MIP: variants seen among roughly 807,000 people sequenced by gnomAD.
MIP encodes major intrinsic protein of lens fiber.
In MIP, 14 loss-of-function variants were observed where a neutral mutation model predicts 21.8. The observed-to-expected ratio is 0.64, with a 90% CI of 0.42 to 1.00. The LOEUF (loss-of-function observed/expected upper bound fraction) is 1.00, where lower values mean the gene tolerates loss of function less well. MIP is among the 50% of genes least tolerant of loss of function. The probability of loss-of-function intolerance (pLI) is 0.00; values close to 1 mark genes in which losing one functional copy is unlikely to be tolerated. For missense variants in MIP, 260 were observed against 333.5 expected, an observed-to-expected ratio of 0.78 and a Z score of 1.72; for synonymous variants, 133 against 141.4, an observed-to-expected ratio of 0.94 and a Z score of 0.42.
At chr12:56,456,537 T>C (rs1220225423), upstream of MIP, among the ~76,000 whole-genome samples, 1 of 150,648 alleles carries the variant, frequency 6.6e-6, no homozygotes, top group Admixed American at 6.6e-5. Flanking sequence ...ACTCGGGAGG[T>C]TGAGGCAGGA....
chr12:56,454,120 C>A, intron 1 of MIP, 134 bp downstream of exon 1: 1 of 1,291,610 alleles, frequency 7.7e-7, no homozygotes, highest in Non-Finnish European at 1.1e-6. Context: ...CTCACCACTT[C>A]AACACACACA....
In MIP at chr12:56,451,453, C is replaced by T. The variant is rs1868616391; in HGVS notation, c.619G>A (p.Gly207Ser). 1 of 1,614,068 alleles carries T rather than the reference C, an allele frequency of 6.2e-7. No individual in the cohort carries two copies. ...NFTNHWVYWV[G>S]PIIGGGLGSL... ...CCCAGACCCCCTCCAATGATTGGGC[C>T]TACCCAGTACACCTGTAGAAAGAGA... The change falls in exon 4 of 4, where the codon GGC (glycine) becomes AGC (serine). Residue 207 changes from glycine to serine, a missense_variant. By Grantham distance (56) the Gly-to-Ser change is moderately conservative. Coordinates refer to ENST00000652304, the MANE Select transcript of MIP (RefSeq NM_012064.4).
At chr12:56,453,348 G>A (rs1868680740) in intron 2 of MIP, among the ~76,000 whole-genome samples, 196 bp from the exon 3 acceptor site, 1 of 152,124 alleles carries the variant, frequency 6.6e-6, no homozygotes, top group Admixed American at 6.5e-5. Flanking sequence ...ACAGACTATG[G>A]ATCCATAGGC....
chr12:56,455,556 C>G (rs76905360), upstream of MIP, among the ~76,000 whole-genome samples: 7,289 of 152,258 alleles, frequency 0.048, 249 homozygotes, highest in Middle Eastern at 0.12. Context: ...TCAGCACACC[C>G]TAAGCCTTGA....
chr12:56,451,157 A>T lies in MIP; in HGVS notation c.*123T>A. On this transcript the variant is annotated 3_prime_UTR_variant, in exon 4 of 4. Coordinates refer to ENST00000652304, the MANE Select transcript of MIP (RefSeq NM_012064.4). Reference sequence around the variant, plus strand: ...AAAAAAAAAAAAAAAACAACCACATACATAAGTTAAAAAATAAAGAAGTAC... The same window carrying T: ...AAAAAAAAAAAAAAAACAACCACATTCATAAGTTAAAAAATAAAGAAGTAC... 2 of 775,188 alleles carry T rather than the reference A, an allele frequency of 2.6e-6. No homozygotes were observed. Among genetic ancestry groups the T allele is most frequent in the Non-Finnish European group, 4.2e-6 (2 of 474,264 alleles). The allele number at this position is 775,188 out of a possible 1,614,324, so 48.0% of individuals were successfully genotyped here.
rs1205062502 is a variant in MIP, at chr12:56,454,432, T to C, written c.182A>G (p.His61Arg). 1.2e-5 allele frequency: 19 copies of C among 1,613,992 alleles called. No homozygotes were observed. The highest frequency in any genetic ancestry group is 1.6e-5 in the Non-Finnish European group (19 of 1,179,986). Residue 61 changes from histidine (H) to arginine (R), a missense_variant, in exon 1 of 4, where the codon CAC becomes CGC. Transcript: ENST00000652304. ...AGGATTGACGTGGGCTCCACTGATG[T>C]GGCCCACAGACTGCACCAGTGTAGC... ...ALATLVQSVG[H>R]ISGAHVNPAV... is the part of the protein sequence containing the mutation.
At position 56,449,913 on chromosome 12, in the gene MIP, C is replaced by G. The variant is rs377539610; in HGVS notation, c.*1367G>C. The G allele has an allele frequency of 3.3e-5, 5 of 152,276 alleles. No individual in the cohort carries two copies. Among genetic ancestry groups the G allele is most frequent in the African/African-American group, 1.2e-4 (5 of 41,510 alleles). 9.4% of individuals were successfully genotyped at this position (152,276 alleles called of 1,614,324 possible). A position where few individuals can be genotyped will look rare whatever the true frequency, so the allele number is the denominator to read the frequency against. ...GGGCTGTGCTCTGGCCCCCTGTAATCCCAGCTACTGGGGAGGCTGAAGCAG... is the reference window on the plus strand; with the variant it reads ...GGGCTGTGCTCTGGCCCCCTGTAATGCCAGCTACTGGGGAGGCTGAAGCAG... On this transcript the variant is annotated 3_prime_UTR_variant, in exon 4 of 4. Transcript: ENST00000652304.
At position 56,449,979 on chromosome 12, in the gene MIP, G is replaced by C. The variant is rs763315280; in HGVS notation, c.*1301C>G. ...CCAGGATTTCTAGACTGTAGTGTGCGATGATCGTGCCTGTGAATATCCATT... is the reference window on the plus strand; with the variant it reads ...CCAGGATTTCTAGACTGTAGTGTGCCATGATCGTGCCTGTGAATATCCATT... On this transcript the variant is annotated 3_prime_UTR_variant, in exon 4 of 4. Coordinates refer to ENST00000652304, the MANE Select transcript of MIP (RefSeq NM_012064.4). 1.3e-5 allele frequency: 2 copies of C among 151,548 alleles called. No homozygotes were observed. The highest frequency in any genetic ancestry group is 2.9e-5 in the Non-Finnish European group (2 of 67,960). The allele number at this position is 151,548 out of a possible 1,614,324, so 9.4% of individuals were successfully genotyped here.
In MIP at chr12:56,451,147, AC is replaced by A. The variant is rs886049691; in HGVS notation, c.*132del. The A allele has an allele frequency of 3.6e-4, 260 of 715,008 alleles. No individual in the cohort carries two copies. The highest frequency in any genetic ancestry group is 1.7e-3 in the East Asian group (63 of 37,030). The allele number at this position is 715,008 out of a possible 1,614,324, so 44.3% of individuals were successfully genotyped here. ...CAGCAAAAGGAAAAAAAAAAAAAAAACAACCACATACATAAGTTAAAAAATA... is the reference window on the plus strand; with the variant it reads ...CAGCAAAAGGAAAAAAAAAAAAAAAAAACCACATACATAAGTTAAAAAATA... On this transcript the variant is annotated 3_prime_UTR_variant, in exon 4 of 4. Transcript: ENST00000652304.
Position 56,453,115 on chromosome 12 carries a change from G to A in MIP, c.563C>T (p.Ser188Phe). Reference protein sequence around the residue: ...YTGAGMNPARSFAPAILTGNF... With the variant: ...YTGAGMNPARFFAPAILTGNF... ...CCCAGTGAGAATGGCAGGAGCAAAG[G>A]AGCGGGCAGGATTCATGCCTGCACC... Residue 188 changes from serine to phenylalanine, a missense_variant, in exon 3 of 4, where the codon TCC becomes TTC. By Grantham distance (155) the Ser-to-Phe change is radical. Coordinates refer to ENST00000652304, the MANE Select transcript of MIP (RefSeq NM_012064.4). 6.2e-7 allele frequency: 1 copy of A among 1,613,924 alleles called. No homozygotes were observed. The highest frequency in any genetic ancestry group is 8.5e-7 in the Non-Finnish European group (1 of 1,179,796).
In MIP at chr12:56,451,569, A is replaced by C. The variant is rs552022474; in HGVS notation, c.607-104T>G. 4 of 916,476 alleles carry C rather than the reference A, an allele frequency of 4.4e-6. No individual in the cohort carries two copies. In the Admixed American group the frequency reaches 8.3e-5, roughly 19 times the overall value. 56.8% of individuals were successfully genotyped at this position (916,476 alleles called of 1,614,324 possible). A position where few individuals can be genotyped will look rare whatever the true frequency, so the allele number is the denominator to read the frequency against. The stretch of plus-strand genomic sequence containing the variant: ...TGGAAAACAAGATATTGTACACTTG[A>C]TATCTACAATAAACTCACCATTTAT... On this transcript the variant is annotated intron_variant, in intron 3 of 3. Coordinates refer to ENST00000652304, the MANE Select transcript of MIP (RefSeq NM_012064.4).
Position 56,451,293 on chromosome 12 carries a change from G to C in MIP, c.779C>G (p.Thr260Ser). Residue 260 changes from threonine to serine, a missense_variant, in exon 4 of 4, where the codon ACC (threonine) becomes AGC (serine). By Grantham distance (58) the Thr-to-Ser change is moderately conservative. Transcript: ENST00000652304. Reference protein sequence around the residue: ...EVTGEPVELNTQAL With the variant: ...EVTGEPVELNSQAL The stretch of plus-strand genomic sequence containing the variant: ...CAGCTGGAGCTTCTACAGGGCCTGG[G>C]TGTTCAGTTCAACAGGTTCCCCTGT... 2 of 1,613,630 alleles carry C rather than the reference G, an allele frequency of 1.2e-6. No individual in the cohort carries two copies. The highest frequency in any genetic ancestry group is 3.3e-5 in the Admixed American group (2 of 60,010).
At chr12:56,456,281 C>A (rs1250282216), upstream of MIP, among the ~76,000 whole-genome samples, 4 of 152,148 alleles carry the variant, frequency 2.6e-5, no homozygotes, top group Admixed American at 6.5e-5. Flanking sequence ...GGTAGCACAT[C>A]ATGGTGTTAA....
upstream of MIP, among the ~76,000 whole-genome samples, chr12:56,455,082 G>A (rs1868752898): frequency 6.6e-6 from 1 of 152,286 alleles, no homozygotes; most frequent in East Asian, 1.9e-4. Context: ...TCTGCCAGGG[G>A]TAAGGGTTGG....
At chr12:56,455,898 G>A (rs931865587), upstream of MIP, among the ~76,000 whole-genome samples, 1 of 152,184 alleles carries the variant, frequency 6.6e-6, no homozygotes, top group Non-Finnish European at 1.5e-5. Flanking sequence ...TGGGGAGAGA[G>A]AAGGAACACA....
rs778327521 is a variant in MIP at position 56,453,668 on chromosome 12, C to T, written c.448G>A (p.Asp150Asn). ...QFVLCIFATY[D>N]ERRNGQLGSV... ...CCCAGTTGGCCATTCCGCCTCTCGT[C>T]GTATGTGGCAAAGATGCAGAGCACG... The change falls in exon 2 of 4, where the codon GAC (aspartate) becomes AAC (asparagine). Residue 150 changes from aspartate to asparagine, a missense_variant. Transcript: ENST00000652304. 19 of 1,614,088 alleles carry T rather than the reference C, an allele frequency of 1.2e-5. No individual in the cohort carries two copies. The highest frequency in any genetic ancestry group is 8.3e-5 in the Admixed American group (5 of 60,014).
Position 56,454,316 on chromosome 12 carries a change from C to A in MIP, c.298G>T (p.Gly100Trp). 1 of 1,614,026 alleles carries A rather than the reference C, an allele frequency of 6.2e-7. No individual in the cohort carries two copies. The highest frequency in any genetic ancestry group is 8.5e-7 in the Non-Finnish European group (1 of 1,180,032). ...MAAQLLGAVAGAAVLYSVTPP... is the reference protein window; with the variant it reads ...MAAQLLGAVAWAAVLYSVTPP... ...GTAACGCTATACAGCACAGCGGCCC[C>A]AGCCACAGCTCCCAGGAGCTGGGCT... Residue 100 changes from glycine (G) to tryptophan (W), a missense_variant, in exon 1 of 4, where the codon GGG becomes TGG. By Grantham distance (184) the Gly-to-Trp change is radical. Coordinates refer to ENST00000652304, the MANE Select transcript of MIP (RefSeq NM_012064.4).
intron 3 of MIP, among the ~76,000 whole-genome samples, chr12:56,452,192 A>G (rs1321899420): frequency 1.3e-5 from 2 of 151,800 alleles, no homozygotes; most frequent in Non-Finnish European, 2.9e-5. Context: ...ATTCCACCCC[A>G]CCCCCATCAG....
At chr12:56,451,679 T>A (rs1455262963) in intron 3 of MIP, among the ~76,000 whole-genome samples, 1 of 152,242 alleles carries the variant, frequency 6.6e-6, no homozygotes, top group Non-Finnish European at 1.5e-5. Context: ...AGTTTGTATG[T>A]TGCTTTCAAA....
Sources: gnomAD v4.1 joint callset for allele counts (sites outside exome capture counted in the v4.1 genomes callset) on GRCh38, gnomAD v4.1.1 for gene constraint, MANE v1.5 for transcripts, NCBI Gene and HGNC (gene_info 2026-07-23, HGNC 2026-07-21) for gene names.